Variants in OR4C6 observed in about 807,000 individuals in gnomAD.
OR4C6 encodes olfactory receptor family 4 subfamily C member 6, also known as olfactory receptor 4C6.
In OR4C6, 20 loss-of-function variants were observed where a neutral mutation model predicts 13.9. That is an observed-to-expected ratio of 1.43 (90% CI 1.01 to 2.08). OR4C6 has a LOEUF of 2.08. Ranked by LOEUF, OR4C6 falls within the 30% of genes most tolerant of loss-of-function variation. OR4C6 has a pLI of 0.00. For missense variants in OR4C6, 555 were observed against 381.2 expected, an observed-to-expected ratio of 1.46 and a Z score of -3.80; for synonymous variants, 193 against 141.5, an observed-to-expected ratio of 1.36 and a Z score of -2.58.
Position 55,665,367 on chromosome 11 carries a change from G to A in OR4C6, c.201G>A (p.Leu67=), listed in dbSNP as rs191322588. 1 of 1,613,370 alleles carries A rather than the reference G, an allele frequency of 6.2e-7. No individual in the cohort carries two copies. The highest frequency in any genetic ancestry group is 1.3e-5 in the African/African-American group (1 of 74,782). ...TTTTTCTTACCTTCTTGTCCCTTTT[G>A]GATGTCATGTTCTCATCTGTCGTTG... The part of the protein sequence containing the change: ...MYFFLTFLSL[L]DVMFSSVVAP... Residue 67 remains leucine (L), a synonymous_variant, in exon 2 of 2, where the codon TTG becomes TTA. Coordinates refer to ENST00000314259, the MANE Select transcript of OR4C6 (RefSeq NM_001004704.2).
chr11:55,665,978 T>G lies in OR4C6; in HGVS notation c.812T>G (p.Val271Gly). The part of the protein sequence containing the change: ...VTHPIDKAMA[V>G]SDSIITPMLN... Reference sequence around the variant, plus strand: ...CACCCCATAGACAAGGCAATGGCTGTGTCAGACTCAATCATCACACCCATG... The same window carrying G: ...CACCCCATAGACAAGGCAATGGCTGGGTCAGACTCAATCATCACACCCATG... The change falls in exon 2 of 2, where the codon GTG (valine) becomes GGG (glycine). Residue 271 changes from valine to glycine, a missense_variant. Coordinates refer to ENST00000314259, the MANE Select transcript of OR4C6 (RefSeq NM_001004704.2). The G allele has an allele frequency of 6.2e-7, 1 of 1,613,682 alleles. No individual in the cohort carries two copies. The highest frequency in any genetic ancestry group is 1.6e-4 in the Middle Eastern group (1 of 6,062).
Position 55,665,728 on chromosome 11 carries a change from A to C in OR4C6, c.562A>C (p.Thr188Pro), listed in dbSNP as rs1858737344. The change falls in exon 2 of 2, where the codon ACG (threonine) becomes CCG (proline). Residue 188 changes from threonine to proline, a missense_variant. Physicochemically the swap from Thr to Pro is conservative, Grantham distance 38. Coordinates refer to ENST00000314259, the MANE Select transcript of OR4C6 (RefSeq NM_001004704.2). Reference sequence around the variant, plus strand: ...GTTTCAGTTGTTGACACTTGCCTGCACGGACACCCACATCCTGGGCCTCTT... The same window carrying C: ...GTTTCAGTTGTTGACACTTGCCTGCCCGGACACCCACATCCTGGGCCTCTT... ...DLFQLLTLAC[T>P]DTHILGLLVT... The C allele has an allele frequency of 6.2e-7, 1 of 1,613,968 alleles. No individual in the cohort carries two copies. The highest frequency in any genetic ancestry group is 8.5e-7 in the Non-Finnish European group (1 of 1,180,008).
Position 55,665,527 on chromosome 11 carries a change from T to A in OR4C6, c.361T>A (p.Tyr121Asn). Residue 121 changes from tyrosine to asparagine, a missense_variant, in exon 2 of 2, where the codon TAC (tyrosine) becomes AAC (asparagine). Physicochemically the swap from Tyr to Asn is moderately radical, Grantham distance 143 (BLOSUM62 -2). Transcript: ENST00000314259. ...CCTCACTGTGATGGCCTATGACCGC[T>A]ACGTGGCCATCTGTAAGCCCCTGCA... Reference protein sequence around the residue: ...ILLTVMAYDRYVAICKPLHYT... With the variant: ...ILLTVMAYDRNVAICKPLHYT... 1 of 1,613,876 alleles carries A rather than the reference T, an allele frequency of 6.2e-7. No individual in the cohort carries two copies. The highest frequency in any genetic ancestry group is 8.5e-7 in the Non-Finnish European group (1 of 1,179,978).
Position 55,665,853 on chromosome 11 carries a change from A to G in OR4C6, c.687A>G (p.Lys229=), listed in dbSNP as rs780583523. 6.2e-6 allele frequency: 10 copies of G among 1,613,868 alleles called. No individual in the cohort carries two copies. Among genetic ancestry groups the G allele is most frequent in the Non-Finnish European group, 8.5e-6 (10 of 1,179,998 alleles). The change falls in exon 2 of 2, where the codon AAA becomes AAG. Residue 229 remains lysine (K), a synonymous_variant. Coordinates refer to ENST00000314259, the MANE Select transcript of OR4C6 (RefSeq NM_001004704.2). ...GCTCCCTGAAGTCTTACAGCTCTAA[A>G]GGGCGGCACAAAGCCCTCTCTACCT... ...ILCSLKSYSS[K]GRHKALSTCS... is the part of the protein sequence containing the mutation.
Position 55,664,973 on chromosome 11 carries a change from T to A in OR4C6, c.-42-152T>A, listed in dbSNP as rs1858717448. On this transcript the variant is annotated intron_variant, in intron 1 of 1. Coordinates refer to ENST00000314259, the MANE Select transcript of OR4C6 (RefSeq NM_001004704.2). ...GGAAGCCTTGCATAAATAAAGTATT[T>A]CCCTTTTAAATTATTTATTTAGCAC... Among the ~76,000 whole-genome samples the A allele has an allele frequency of 2.6e-5, 4 of 152,124 alleles. No individual in the cohort carries two copies. In the South Asian group the frequency reaches 8.3e-4, roughly 32 times the overall value.
intron 1 of OR4C6, among the ~76,000 whole-genome samples, chr11:55,663,732 G>A (rs1451543862): frequency 7.3e-6 from 1 of 136,126 alleles, no homozygotes; most frequent in Non-Finnish European, 1.6e-5. Flanking sequence ...TGGGGCTAGG[G>A]AGGAGAGGAT....
chr11:55,664,149 A>G (rs549326143), intron 1 of OR4C6, among the ~76,000 whole-genome samples: 4 of 152,156 alleles, frequency 2.6e-5, no homozygotes, highest in Non-Finnish European at 5.9e-5. Context: ...GTCTCTCTTT[A>G]CGATGGGAGT....
At chr11:55,663,838 G>A (rs767512154) in intron 1 of OR4C6, among the ~76,000 whole-genome samples, 5 of 137,938 alleles carry the variant, frequency 3.6e-5, no homozygotes, top group Non-Finnish European at 8.0e-5. Context: ...AAAAGCAGGA[G>A]TGACTTCTTA....
In OR4C6 at chr11:55,665,901, T is replaced by G; in HGVS notation, c.735T>G (p.Val245=). The G allele has an allele frequency of 6.2e-7, 1 of 1,613,804 alleles. No individual in the cohort carries two copies. Among genetic ancestry groups the G allele is most frequent in the Non-Finnish European group, 8.5e-7 (1 of 1,179,946 alleles). ...CCTGCAGCTCCCACCTCACGGTGGTTGTATTGTTCTTTGTCCCCTGTATTT... is the reference window on the plus strand; with the variant it reads ...CCTGCAGCTCCCACCTCACGGTGGTGGTATTGTTCTTTGTCCCCTGTATTT... ...LSTCSSHLTV[V]VLFFVPCIFL... is the part of the protein sequence containing the mutation. The change falls in exon 2 of 2, where the codon GTT becomes GTG. Residue 245 remains valine, a synonymous_variant. Transcript: ENST00000314259.
chr11:55,664,826 C>T (rs1858715236), intron 1 of OR4C6, among the ~76,000 whole-genome samples: 2 of 151,858 alleles, frequency 1.3e-5, no homozygotes. Flanking sequence ...GAATTGCCTC[C>T]AAGGTGAGGT....
chr11:55,665,032 C>A, intron 1 of OR4C6, 93 bp from the exon 2 acceptor site: 1 of 617,872 alleles, frequency 1.6e-6, no homozygotes, highest in Non-Finnish European at 2.9e-6. Flanking sequence ...ATGGAGAATA[C>A]ATGGGTAAAA....
chr11:55,665,797 A>G lies in OR4C6; in HGVS notation c.631A>G (p.Ile211Val). 1 of 1,613,708 alleles carries G rather than the reference A, an allele frequency of 6.2e-7. No homozygotes were observed. Among genetic ancestry groups the G allele is most frequent in the Non-Finnish European group, 8.5e-7 (1 of 1,179,974 alleles). ...GATGATGTGTGTGGCCATCTTTCTTATCTTAATTGCGTCCTACACGGTCAT... is the reference window on the plus strand; with the variant it reads ...GATGATGTGTGTGGCCATCTTTCTTGTCTTAATTGCGTCCTACACGGTCAT... ...SGMMCVAIFL[I>V]LIASYTVILC... The change falls in exon 2 of 2, where the codon ATC becomes GTC. Residue 211 changes from isoleucine (I) to valine (V), a missense_variant. Physicochemically the swap from Ile to Val is conservative, Grantham distance 29 (BLOSUM62 3). Coordinates refer to ENST00000314259, the MANE Select transcript of OR4C6 (RefSeq NM_001004704.2).
In OR4C6 at chr11:55,663,086, G is replaced by A. The variant is rs1858689815; in HGVS notation, c.-43+838G>A. 2.2e-5 allele frequency among the ~76,000 whole-genome samples: 3 copies of A among 138,632 alleles called. 1 individual carries two copies. Among genetic ancestry groups the A allele is most frequent in the Non-Finnish European group, 4.8e-5 (3 of 62,434 alleles). 90.9% of individuals were successfully genotyped at this position (138,632 alleles called of 152,430 possible). The stretch of plus-strand genomic sequence containing the variant: ...GTTGCAGAAATTGAGGACTGGGGAG[G>A]TTGAGATTACAAAGCCAGTATGTAG... On this transcript the variant is annotated intron_variant, in intron 1 of 1. Coordinates refer to ENST00000314259, the MANE Select transcript of OR4C6 (RefSeq NM_001004704.2).
At position 55,665,183 on chromosome 11, in the gene OR4C6, A is replaced by G. The variant is rs1379280386; in HGVS notation, c.17A>G (p.Asn6Ser). 23 of 1,608,950 alleles carry G rather than the reference A, an allele frequency of 1.4e-5. No individual in the cohort carries two copies. The highest frequency in any genetic ancestry group is 1.0e-4 in the Admixed American group (6 of 59,702). The change falls in exon 2 of 2, where the codon AAT becomes AGT. Residue 6 changes from asparagine to serine, a missense_variant. Coordinates refer to ENST00000314259, the MANE Select transcript of OR4C6 (RefSeq NM_001004704.2). MENQNNVTEFILLGLT... is the reference protein window; with the variant it reads MENQNSVTEFILLGLT... The stretch of plus-strand genomic sequence containing the variant: ...ACCTGAGAAATGGAAAATCAAAACA[A>G]TGTGACTGAATTCATTCTTCTGGGT...
Position 55,665,742 on chromosome 11 carries a change from C to A in OR4C6, c.576C>A (p.Ile192=), listed in dbSNP as rs141397004. ...CACTTGCCTGCACGGACACCCACAT[C>A]CTGGGCCTCTTAGTTACCCTCAACA... ...LLTLACTDTH[I]LGLLVTLNSG... The change falls in exon 2 of 2, where the codon ATC becomes ATA. Residue 192 remains isoleucine (I), a synonymous_variant. Transcript: ENST00000314259. 2.5e-6 allele frequency: 4 copies of A among 1,613,882 alleles called. No individual in the cohort carries two copies. Among genetic ancestry groups the A allele is most frequent in the Non-Finnish European group, 3.4e-6 (4 of 1,179,958 alleles).
intron 1 of OR4C6, among the ~76,000 whole-genome samples, chr11:55,663,355 G>C (rs1858693761): frequency 7.3e-6 from 1 of 137,850 alleles, no homozygotes; most frequent in Non-Finnish European, 1.6e-5. Flanking sequence ...TCAACACAGG[G>C]TCATACTAGG....
chr11:55,665,259 C>T lies in OR4C6; in HGVS notation c.93C>T (p.Val31=). The T allele has an allele frequency of 1.2e-6, 2 of 1,612,168 alleles. No individual in the cohort carries two copies. Among genetic ancestry groups the T allele is most frequent in the Middle Eastern group, 1.7e-4 (1 of 6,058 alleles). ...AAATATTTTCTGCTGTGTTTCTTGT[C>T]ATGTATGTAGCCACAGTGCTGGAAA... is the stretch of plus-strand genomic sequence containing the variant. The part of the protein sequence containing the change: ...LWKIFSAVFL[V]MYVATVLENL... Residue 31 remains valine (V), a synonymous_variant, in exon 2 of 2, where the codon GTC becomes GTT. Coordinates refer to ENST00000314259, the MANE Select transcript of OR4C6 (RefSeq NM_001004704.2).
At position 55,665,827 on chromosome 11, in the gene OR4C6, T is replaced by C. The variant is rs1204050572; in HGVS notation, c.661T>C (p.Cys221Arg). Residue 221 changes from cysteine (C) to arginine (R), a missense_variant, in exon 2 of 2, where the codon TGC becomes CGC. Coordinates refer to ENST00000314259, the MANE Select transcript of OR4C6 (RefSeq NM_001004704.2). ...AATTGCGTCCTACACGGTCATCCTA[T>C]GCTCCCTGAAGTCTTACAGCTCTAA... ...ILIASYTVIL[C>R]SLKSYSSKGR... 1 of 1,613,960 alleles carries C rather than the reference T, an allele frequency of 6.2e-7. No individual in the cohort carries two copies. Among genetic ancestry groups the C allele is most frequent in the Non-Finnish European group, 8.5e-7 (1 of 1,180,026 alleles).
intron 1 of OR4C6, 42 bp from the exon 2 acceptor site, chr11:55,665,083 C>A: frequency 1.2e-6 from 1 of 864,420 alleles, no homozygotes; most frequent in Non-Finnish European, 1.8e-6. Context: ...ATACAAGAAG[C>A]CAAATTAGTC....
Sources: allele counts gnomAD v4.1 joint callset (sites outside exome capture counted in the v4.1 genomes callset), GRCh38; gene constraint gnomAD v4.1.1; transcripts MANE v1.5; gene names NCBI Gene and HGNC (gene_info 2026-07-23, HGNC 2026-07-21).